Variants in CNTN6 observed in about 807,000 individuals in gnomAD.
The protein encoded by CNTN6 is contactin-6.
Under a neutral mutation model 122.8 loss-of-function variants are expected in CNTN6, and 137 were observed. The ratio of observed to expected loss-of-function variants is 1.12; its 90% CI spans 0.97 to 1.29. CNTN6 has a LOEUF of 1.29. CNTN6 is among the 50% of genes most tolerant of loss of function. CNTN6 has a pLI of 0.00. For synonymous variants in CNTN6, 570 were observed against 426.0 expected (o/e 1.34, Z -4.16); for missense variants, 1,634 against 1,223.4 (o/e 1.34, Z -5.01).
At chr3:1,301,204 T>C (rs866879200) in intron 7 of CNTN6, among the ~76,000 whole-genome samples, 2 of 152,008 alleles carry the variant, frequency 1.3e-5, no homozygotes, top group African/African-American at 4.8e-5. Flanking sequence ...ACCCAGCTAA[T>C]TTTTGTATTT....
At chr3:1,181,242 T>C (rs931393090) in intron 2 of CNTN6, among the ~76,000 whole-genome samples, 4 of 152,152 alleles carry the variant, frequency 2.6e-5, no homozygotes, top group South Asian at 2.1e-4. Context: ...TGATTTTCTC[T>C]AGAGATGCAC....
In CNTN6 at chr3:1,389,226, T is replaced by G. The variant is rs961243283; in HGVS notation, c.2704+3429T>G. On this transcript the variant is annotated intron_variant, in intron 20 of 22. Transcript: ENST00000446702. Reference sequence around the variant, plus strand: ...TAACAGCAGATCTCTCGGCAGAATCTCTACAAGCCAGAAGAGAGTGGGGGC... The same window carrying G: ...TAACAGCAGATCTCTCGGCAGAATCGCTACAAGCCAGAAGAGAGTGGGGGC... 1.3e-3 allele frequency among the ~76,000 whole-genome samples: 192 copies of G among 151,998 alleles called. 1 individual carries two copies. The highest frequency in any genetic ancestry group is 4.4e-3 in the African/African-American group (181 of 41,464).
chr3:1,287,860 C>G (rs146454814), intron 5 of CNTN6, among the ~76,000 whole-genome samples: 28 of 152,358 alleles, frequency 1.8e-4, no homozygotes, highest in African/African-American at 6.7e-4. Context: ...TTCTCCTCCT[C>G]TTTCCCAGAA....
intron 4 of CNTN6, among the ~76,000 whole-genome samples, chr3:1,228,374 TG>T (rs112094018): frequency 4.7e-4 from 72 of 152,268 alleles, no homozygotes; most frequent in African/African-American, 1.7e-3. Context: ...AGAGGTCATC[TG>T]GGGGAGGTGG....
At chr3:1,300,452 G>GAAGGAAGC (rs1553668635) in intron 7 of CNTN6, among the ~76,000 whole-genome samples, 1 of 39,702 alleles carries the variant, frequency 2.5e-5, no homozygotes, top group Non-Finnish European at 5.2e-5. Context: ...GTCAGTTCAG[G>GAAGGAAGC]AAGGAAGGAA....
intron 12 of CNTN6, among the ~76,000 whole-genome samples, chr3:1,366,055 A>T (rs193262549): frequency 1.3e-5 from 2 of 152,244 alleles, no homozygotes; most frequent in African/African-American, 4.8e-5. Flanking sequence ...GCCTGATGAA[A>T]GGACGTATTC....
intron 7 of CNTN6, among the ~76,000 whole-genome samples, chr3:1,311,544 G>A (rs1699316045): frequency 6.9e-6 from 1 of 145,050 alleles, no homozygotes; most frequent in Non-Finnish European, 1.5e-5. Flanking sequence ...ACATATAAAT[G>A]TCTATGTGTA....
In CNTN6 at chr3:1,371,680, C is replaced by T. The variant is rs186118677; in HGVS notation, c.1493-619C>T. The stretch of plus-strand genomic sequence containing the variant: ...AGAAAGATTGACATAGAGAACATTT[C>T]TAGAGGGAAGGTTTTTATGATGGAT... On this transcript the variant is annotated intron_variant, in intron 12 of 22. Transcript: ENST00000446702. Among the ~76,000 whole-genome samples the T allele has an allele frequency of 3.6e-3, 542 of 152,178 alleles. 1 individual carries two copies. Among genetic ancestry groups the T allele is most frequent in the Non-Finnish European group, 5.5e-3 (371 of 67,990 alleles).
chr3:1,389,216 C>T lies in CNTN6; in HGVS notation c.2704+3419C>T, dbSNP rs552298912. ...CCCATCAGACTAACAGCAGATCTCTCGGCAGAATCTCTACAAGCCAGAAGA... is the reference window on the plus strand; with the variant it reads ...CCCATCAGACTAACAGCAGATCTCTTGGCAGAATCTCTACAAGCCAGAAGA... On this transcript the variant is annotated intron_variant, in intron 20 of 22. Coordinates refer to ENST00000446702, the MANE Select transcript of CNTN6 (RefSeq NM_001289080.2). 7.0e-3 allele frequency among the ~76,000 whole-genome samples: 1,064 copies of T among 151,350 alleles called. 13 individuals carry two copies. Among genetic ancestry groups the T allele is most frequent in the African/African-American group, 0.024 (981 of 41,308 alleles).
intron 8 of CNTN6, 94 bp from the exon 9 acceptor site, chr3:1,325,721 C>G: frequency 7.4e-7 from 1 of 1,354,602 alleles, no homozygotes; most frequent in Non-Finnish European, 1.0e-6. Context: ...CCCAGTTAGC[C>G]TTGTCCTTCT....
intron 2 of CNTN6, among the ~76,000 whole-genome samples, chr3:1,163,720 C>T (rs1022382101): frequency 1.3e-5 from 2 of 152,188 alleles, no homozygotes; most frequent in Admixed American, 6.5e-5. Context: ...CCCAGCAAAG[C>T]TCATTGATTA....
intron 8 of CNTN6, among the ~76,000 whole-genome samples, chr3:1,323,979 AGCAT>A (rs1701206559): frequency 7.1e-6 from 1 of 140,698 alleles, no homozygotes; most frequent in Admixed American, 6.8e-5. Context: ...ATTACATATG[AGCAT>A]GCATTTATTT....
intron 5 of CNTN6, among the ~76,000 whole-genome samples, chr3:1,293,238 C>A (rs114854669): frequency 6.6e-6 from 1 of 152,068 alleles, no homozygotes; most frequent in Non-Finnish European, 1.5e-5. Context: ...TCTTTCCTTC[C>A]TTCCACATTT....
At chr3:1,304,271 G>T (rs1321875213) in intron 7 of CNTN6, among the ~76,000 whole-genome samples, 1 of 134,630 alleles carries the variant, frequency 7.4e-6, no homozygotes, top group Non-Finnish European at 1.6e-5. Context: ...AATTGTTCAA[G>T]TTCCAGAAAG....
Position 1,297,924 on chromosome 3 carries a change from C to A in CNTN6, c.694C>A (p.Arg232Ser). ...GGAATATGAACCAAAGATTGAAGTG[C>A]GTTTTCCTGAAACTATACAAGCTGC... ...MGEYEPKIEV[R>S]FPETIQAAKD... Residue 232 changes from arginine (R) to serine (S), a missense_variant, in exon 7 of 23, where the codon CGT becomes AGT. Arg to Ser is a moderately radical substitution (Grantham distance 110). Transcript: ENST00000446702. The A allele has an allele frequency of 6.2e-7, 1 of 1,612,586 alleles. No individual in the cohort carries two copies. Among genetic ancestry groups the A allele is most frequent in the Non-Finnish European group, 8.5e-7 (1 of 1,179,428 alleles).
chr3:1,387,563 G>A (rs552450343), intron 20 of CNTN6, among the ~76,000 whole-genome samples: 4 of 152,166 alleles, frequency 2.6e-5, no homozygotes, highest in African/African-American at 9.6e-5. Context: ...TGTGTGTAGG[G>A]GGAGGAGCCA....
intron 7 of CNTN6, among the ~76,000 whole-genome samples, chr3:1,304,340 G>A (rs3912170): frequency 0.68 from 103,160 of 151,812 alleles, 37,105 homozygotes; most frequent in East Asian, 1. Context: ...TACTAATTAC[G>A]GAGGTAAATA....
intron 7 of CNTN6, among the ~76,000 whole-genome samples, chr3:1,305,180 A>G (rs1007920945): frequency 6.6e-6 from 1 of 152,204 alleles, no homozygotes; most frequent in South Asian, 2.1e-4. Flanking sequence ...CTCAGAAAAC[A>G]TAGCTTCTGT....
At chr3:1,384,276 C>A (rs1417926885) in intron 19 of CNTN6, among the ~76,000 whole-genome samples, 1 of 150,532 alleles carries the variant, frequency 6.6e-6, no homozygotes, top group Non-Finnish European at 1.5e-5. Flanking sequence ...ATTAATTATT[C>A]AAATTGCAGT....
Sources: allele counts gnomAD v4.1 joint callset (sites outside exome capture counted in the v4.1 genomes callset), GRCh38; gene constraint gnomAD v4.1.1; transcripts MANE v1.5; gene names NCBI Gene and HGNC (gene_info 2026-07-23, HGNC 2026-07-21).